BTBD9: variants seen among roughly 807,000 people sequenced by gnomAD.
BTBD9 encodes BTB/POZ domain-containing protein 9.
BTBD9 carries 49 observed loss-of-function variants against 64.3 expected under a neutral mutation model. The observed-to-expected ratio is 0.76, with a 90% CI of 0.61 to 0.97. The LOEUF is 0.97. Among genes scored for constraint, BTBD9 ranks in the 50% least tolerant of loss-of-function variants. BTBD9 has a pLI of 0.00. For missense variants in BTBD9, 598 were observed against 762.1 expected (o/e 0.78, Z 2.53); for synonymous variants, 260 against 274.7 (o/e 0.95, Z 0.53).
At chr6:38,439,673 C>G (rs745654327) in intron 6 of BTBD9, among the ~76,000 whole-genome samples, 4 of 151,922 alleles carry the variant, frequency 2.6e-5, no homozygotes, top group Non-Finnish European at 5.9e-5. Context: ...ATGATCCGCC[C>G]TCCTCAGCCT....
chr6:38,389,466 G>A (rs2127621191), intron 6 of BTBD9, among the ~76,000 whole-genome samples: 1 of 152,304 alleles, frequency 6.6e-6, no homozygotes, highest in East Asian at 1.9e-4. Flanking sequence ...TGAAGCACCT[G>A]CACTACACAT....
chr6:38,215,897 T>A (rs1210823697), intron 9 of BTBD9, among the ~76,000 whole-genome samples: 2 of 152,106 alleles, frequency 1.3e-5, no homozygotes, highest in Non-Finnish European at 1.5e-5. Flanking sequence ...GACCAATCCC[T>A]CCCCACCTGC....
intron 6 of BTBD9, among the ~76,000 whole-genome samples, chr6:38,438,807 C>T (rs1184117179): frequency 6.6e-6 from 1 of 152,068 alleles, no homozygotes; most frequent in Non-Finnish European, 1.5e-5. Context: ...GTGATCAATA[C>T]TATGCAGAAA....
chr6:38,440,432 C>T (rs1242608457), intron 6 of BTBD9, among the ~76,000 whole-genome samples: 1 of 152,098 alleles, frequency 6.6e-6, no homozygotes, highest in Non-Finnish European at 1.5e-5. Context: ...GACAAGGACT[C>T]GGAAGAGACT....
intron 6 of BTBD9, among the ~76,000 whole-genome samples, chr6:38,527,694 G>A (rs1351009762): frequency 6.6e-6 from 1 of 151,842 alleles, no homozygotes; most frequent in Non-Finnish European, 1.5e-5. Context: ...GTGTGAAAAG[G>A]GACTAATACA....
At chr6:38,244,062 C>A (rs554383410) in intron 9 of BTBD9, among the ~76,000 whole-genome samples, 10 of 152,056 alleles carry the variant, frequency 6.6e-5, no homozygotes, top group African/African-American at 1.9e-4. Context: ...AAAATAAGAT[C>A]AAAACGACCA....
At chr6:38,523,407 A>G (rs563351344) in intron 6 of BTBD9, among the ~76,000 whole-genome samples, 1 of 152,304 alleles carries the variant, frequency 6.6e-6, no homozygotes, top group South Asian at 2.1e-4. Context: ...TACAAAGATC[A>G]AATCCAAACT....
At chr6:38,329,749 G>A (rs1299753297) in intron 7 of BTBD9, among the ~76,000 whole-genome samples, 1 of 152,048 alleles carries the variant, frequency 6.6e-6, no homozygotes, top group Non-Finnish European at 1.5e-5. Context: ...GAGGTCAGGA[G>A]TTCGAGAACA....
At chr6:38,575,865 G>A (rs904474197) in intron 6 of BTBD9, among the ~76,000 whole-genome samples, 13 of 151,686 alleles carry the variant, frequency 8.6e-5, no homozygotes, top group Non-Finnish European at 1.5e-4. Context: ...CTCTAAACAC[G>A]TAACAGCTCT....
chr6:38,516,062 T>C (rs1365050765), intron 6 of BTBD9, among the ~76,000 whole-genome samples: 3 of 152,176 alleles, frequency 2.0e-5, no homozygotes, highest in African/African-American at 7.2e-5. Flanking sequence ...GCACAATTCT[T>C]GAATTTTTAT....
chr6:38,583,197 A>G (rs1776370525), intron 4 of BTBD9, among the ~76,000 whole-genome samples: 1 of 152,172 alleles, frequency 6.6e-6, no homozygotes, highest in African/African-American at 2.4e-5. Context: ...CTGACACCAC[A>G]AGTCAAAACT....
chr6:38,520,265 C>T (rs1433561612), intron 6 of BTBD9, among the ~76,000 whole-genome samples: 7 of 151,340 alleles, frequency 4.6e-5, no homozygotes, highest in African/African-American at 1.5e-4. Context: ...ACCAGCCTGG[C>T]CAACATGGCA....
intron 6 of BTBD9, among the ~76,000 whole-genome samples, chr6:38,373,954 T>A (rs1277884652): frequency 6.6e-6 from 1 of 152,088 alleles, no homozygotes; most frequent in Admixed American, 6.6e-5. Context: ...GCCTAGCATC[T>A]TTCTGAAAAA....
Position 38,184,432 on chromosome 6 carries a change from A to G in BTBD9, c.1641+8087T>C, listed in dbSNP as rs1361178661. On this transcript the variant is annotated intron_variant, in intron 10 of 10. Transcript: ENST00000481247. This position sits in a 1 kb window ranked among gnomAD's most constrained non-coding sequence, Gnocchi z 4.4. ...TGGGCATCCATTTCCAGTTGCTGGA[A>G]CATGAAGCCCCTGGAGGGCCAGGTT... Among the ~76,000 whole-genome samples the G allele has an allele frequency of 6.6e-6, 1 of 152,218 alleles. No individual in the cohort carries two copies. The highest frequency in any genetic ancestry group is 1.5e-5 in the Non-Finnish European group (1 of 68,036).
At chr6:38,522,588 C>T (rs552208057) in intron 6 of BTBD9, among the ~76,000 whole-genome samples, 1 of 152,302 alleles carries the variant, frequency 6.6e-6, no homozygotes, top group South Asian at 2.1e-4. Context: ...CAAATAAGCC[C>T]AGCTCTTCCC....
intron 4 of BTBD9, chr6:38,587,506 G>C: frequency 3.6e-6 from 2 of 562,460 alleles, no homozygotes; most frequent in Non-Finnish European, 6.8e-6. Context: ...AAAGTATAAA[G>C]ATGCAGATGA....
Position 38,231,985 on chromosome 6 carries a change from A to T in BTBD9, c.1562+24424T>A, listed in dbSNP as rs2127517806. Among the ~76,000 whole-genome samples the T allele has an allele frequency of 1.3e-5, 2 of 152,352 alleles. 1 individual carries two copies. The highest frequency in any genetic ancestry group is 4.1e-4 in the South Asian group (2 of 4,830). ...GAAATAGGAGAGAAGGGAAAAGGGAATCTGTTTACCACACCTCTCTTCCTC... is the reference window on the plus strand; with the variant it reads ...GAAATAGGAGAGAAGGGAAAAGGGATTCTGTTTACCACACCTCTCTTCCTC... On this transcript the variant is annotated intron_variant, in intron 9 of 10. Transcript: ENST00000481247.
At chr6:38,457,399 A>T (rs1769869528) in intron 6 of BTBD9, among the ~76,000 whole-genome samples, 1 of 152,212 alleles carries the variant, frequency 6.6e-6, no homozygotes, top group Non-Finnish European at 1.5e-5. Context: ...GTGTTAGTGC[A>T]GATTGCAGTA....
At chr6:38,295,851 C>T (rs1431937804) in intron 7 of BTBD9, among the ~76,000 whole-genome samples, 1 of 152,024 alleles carries the variant, frequency 6.6e-6, no homozygotes, top group African/African-American at 2.4e-5. Flanking sequence ...GAGTTTGAGA[C>T]CAGCTTGGCC....
Sources: allele counts gnomAD v4.1 joint callset (sites outside exome capture counted in the v4.1 genomes callset), GRCh38; gene constraint gnomAD v4.1.1; non-coding constraint Gnocchi (gnomAD v3.1); transcripts MANE v1.5; gene names NCBI Gene and HGNC (gene_info 2026-07-23, HGNC 2026-07-21).